The following PHF3 variants were observed in gnomAD, a reference collection of about 807,000 sequenced individuals.
The protein encoded by PHF3 is PHD finger protein 3.
Under a neutral mutation model 178.4 loss-of-function variants are expected in PHF3, and 41 were observed. That is an observed-to-expected ratio of 0.23 (90% confidence interval 0.18 to 0.30). PHF3 has a LOEUF of 0.30. Among genes scored for constraint, PHF3 ranks in the 10% least tolerant of loss-of-function variants. The pLI, the probability that PHF3 is intolerant of heterozygous loss-of-function variation, is 1.00. For missense variants in PHF3, 2,346 were observed against 2,398.1 expected (o/e 0.98, Z 0.45); for synonymous variants, 842 against 800.5 (o/e 1.05, Z -0.88).
At chr6:63,687,192 G>A (rs1265213194) in intron 4 of PHF3, among the ~76,000 whole-genome samples, 2 of 152,104 alleles carry the variant, frequency 1.3e-5, no homozygotes, top group African/African-American at 4.8e-5. Context: ...TGAGGTGGGC[G>A]GTAGGCAGAT....
Position 63,713,682 on chromosome 6 carries a change from A to T in PHF3, c.6094A>T (p.Thr2032Ser). The T allele has an allele frequency of 6.4e-7, 1 of 1,569,658 alleles. No homozygotes were observed. The highest frequency in any genetic ancestry group is 1.4e-5 in the African/African-American group (1 of 72,318). ...TAGGTACCACAAAGATAGGGACCAC[A>T]CTGACAGAACTAAAAGCAAAAGGTA... ...RDRYHKDRDH[T>S]DRTKSKR Residue 2032 changes from threonine (T) to serine (S), a missense_variant, in exon 16 of 16, where the codon ACT becomes TCT. This residue lies in a region of PHF3 where 839 missense variants were observed against 806.9 expected (regional missense o/e 1.04). Coordinates refer to ENST00000262043, the MANE Select transcript of PHF3 (RefSeq NM_001370348.2).
Position 63,698,430 on chromosome 6 carries a change from G to GA in PHF3, c.2826-17dup. 6.3e-7 allele frequency: 1 copy of GA among 1,585,718 alleles called. No homozygotes were observed. The highest frequency in any genetic ancestry group is 8.6e-7 in the Non-Finnish European group (1 of 1,166,176). On this transcript the variant is annotated intron_variant, in intron 7 of 15. Transcript: ENST00000262043. Reference sequence around the variant, plus strand: ...TGCTTTATACATTTGAAAAATAATTGAATTGTTCTAATTTTAAGACTTACA... The same window carrying GA: ...TGCTTTATACATTTGAAAAATAATTGAAATTGTTCTAATTTTAAGACTTACA...
intron 2 of PHF3, 68 bp from the exon 3 acceptor site, chr6:63,679,932 G>A (rs773237156): frequency 8.5e-5 from 107 of 1,255,590 alleles, no homozygotes; most frequent in Middle Eastern, 2.0e-4. Flanking sequence ...AGTATTTTCT[G>A]TACTGCCTTT....
intron 2 of PHF3, among the ~76,000 whole-genome samples, chr6:63,659,119 C>A (rs1394172026): frequency 6.6e-6 from 1 of 152,050 alleles, no homozygotes; most frequent in Non-Finnish European, 1.5e-5. Context: ...ATGGCCTAGC[C>A]AAGTTGACGT....
chr6:63,708,307 T>C (rs1767783243), intron 13 of PHF3, among the ~76,000 whole-genome samples: 1 of 152,208 alleles, frequency 6.6e-6, no homozygotes. Flanking sequence ...TAGAAATTTA[T>C]TATTTGGTCA....
chr6:63,667,847 G>C (rs1292617666), intron 2 of PHF3, among the ~76,000 whole-genome samples: 1 of 152,114 alleles, frequency 6.6e-6, no homozygotes, highest in Non-Finnish European at 1.5e-5. Flanking sequence ...AACATATTTG[G>C]CATTCGGAAA....
At chr6:63,661,373 G>A (rs998517554) in intron 2 of PHF3, among the ~76,000 whole-genome samples, 7 of 152,098 alleles carry the variant, frequency 4.6e-5, no homozygotes, top group Non-Finnish European at 1.0e-4. Flanking sequence ...GTACAACTTT[G>A]CCTATCAGAT....
At chr6:63,701,447 A>T (rs567678509) in intron 9 of PHF3, among the ~76,000 whole-genome samples, 1 of 152,344 alleles carries the variant, frequency 6.6e-6, no homozygotes, top group African/African-American at 2.4e-5. Context: ...TAAGTATGTT[A>T]CTTAGAGCCA....
At chr6:63,710,354 A>AT (rs1255262297) in intron 14 of PHF3, among the ~76,000 whole-genome samples, 7 of 152,160 alleles carry the variant, frequency 4.6e-5, no homozygotes. Flanking sequence ...ATGTATGGTG[A>AT]TTTTTACTCT....
rs1451705810 is a variant in PHF3 at position 63,698,361 on chromosome 6, T to G, written c.2819T>G (p.Met940Arg). 10 of 1,607,656 alleles carry G rather than the reference T, an allele frequency of 6.2e-6. No homozygotes were observed. Among genetic ancestry groups the G allele is most frequent in the Non-Finnish European group, 8.5e-6 (10 of 1,176,638 alleles). ...SVRHSLKDIL[M>R]KRLTDSNLKV... ...AGACATTCTCTCAAAGACATTCTTA[T>G]GAAGAGGTAACATATATTTTTATTA... The change falls in exon 7 of 16, where the codon ATG (methionine) becomes AGG (arginine). Residue 940 changes from methionine to arginine, a missense_variant. Physicochemically the swap from Met to Arg is moderately conservative, Grantham distance 91. This residue lies in a region of PHF3 where 252 missense variants were observed against 232.0 expected (regional missense o/e 1.09). Coordinates refer to ENST00000262043, the MANE Select transcript of PHF3 (RefSeq NM_001370348.2).
chr6:63,654,569 T>C (rs1765151759), intron 2 of PHF3, among the ~76,000 whole-genome samples: 1 of 152,200 alleles, frequency 6.6e-6, no homozygotes, highest in Non-Finnish European at 1.5e-5. Context: ...GAATTAGAGC[T>C]GTAACTTAGG....
chr6:63,671,638 A>G (rs943677998), intron 2 of PHF3, among the ~76,000 whole-genome samples: 13 of 152,212 alleles, frequency 8.5e-5, no homozygotes, highest in African/African-American at 3.1e-4. Flanking sequence ...AGGGTACTCA[A>G]AATGTTTAGT....
chr6:63,660,824 A>G (rs1027560561), intron 2 of PHF3, among the ~76,000 whole-genome samples: 1 of 152,212 alleles, frequency 6.6e-6, no homozygotes, highest in Non-Finnish European at 1.5e-5. Context: ...GACAATCAGC[A>G]GGCTTGCTTA....
At chr6:63,683,243 C>T (rs1384350994) in intron 3 of PHF3, among the ~76,000 whole-genome samples, 2 of 151,896 alleles carry the variant, frequency 1.3e-5, no homozygotes, top group Admixed American at 6.6e-5. Context: ...TGGACATTTA[C>T]CTTTTTAAAG....
At chr6:63,658,563 A>G (rs964635958) in intron 2 of PHF3, among the ~76,000 whole-genome samples, 4 of 151,956 alleles carry the variant, frequency 2.6e-5, no homozygotes, top group African/African-American at 9.7e-5. Flanking sequence ...CTTGATGTTT[A>G]TTTCTTTTAT....
Position 63,702,083 on chromosome 6 carries a change from C to T in PHF3, c.3100-425C>T, listed in dbSNP as rs557192627. On this transcript the variant is annotated intron_variant, in intron 9 of 15. Coordinates refer to ENST00000262043, the MANE Select transcript of PHF3 (RefSeq NM_001370348.2). ...GCTAACAAAGGACTACCAGATCGGT[C>T]ATTTGAATAAACTACTATTGTGGGG... is the stretch of plus-strand genomic sequence containing the variant. 4.6e-5 allele frequency among the ~76,000 whole-genome samples: 7 copies of T among 152,266 alleles called. 2 individuals are homozygous for T. Among genetic ancestry groups the T allele is most frequent in the African/African-American group, 1.7e-4 (7 of 41,550 alleles).
intron 3 of PHF3, 120 bp downstream of exon 3, chr6:63,680,281 A>G (rs1766375120): frequency 2.4e-6 from 2 of 840,240 alleles, no homozygotes; most frequent in South Asian, 1.9e-5. Context: ...ATTCGTTTTG[A>G]TGGCAATCAG....
intron 2 of PHF3, among the ~76,000 whole-genome samples, chr6:63,666,725 A>G (rs940877239): frequency 1.3e-5 from 2 of 151,574 alleles, no homozygotes; most frequent in African/African-American, 2.4e-5. Flanking sequence ...AAGGCTGTAC[A>G]TGTTTCATAC....
At chr6:63,667,137 C>T (rs1213221148) in intron 2 of PHF3, among the ~76,000 whole-genome samples, 1 of 152,166 alleles carries the variant, frequency 6.6e-6, no homozygotes, top group Non-Finnish European at 1.5e-5. Context: ...GAGTACCATA[C>T]TCAGCCTTCC....
Sources: allele counts gnomAD v4.1 joint callset (sites outside exome capture counted in the v4.1 genomes callset), GRCh38; gene constraint gnomAD v4.1.1; regional missense constraint gnomAD v4.1.1; transcripts MANE v1.5; gene names NCBI Gene and HGNC (gene_info 2026-07-23, HGNC 2026-07-21).